Variants in ZFAND3 observed in about 807,000 individuals in gnomAD.
ZFAND3 encodes the protein zinc finger AN1-type containing 3.
ZFAND3 carries 10 observed loss-of-function variants against 29.6 expected under a neutral mutation model. The ratio of observed to expected loss-of-function variants is 0.34; its 90% CI spans 0.21 to 0.57. The LOEUF (loss-of-function observed/expected upper bound fraction) is 0.57, where lower values mean the gene tolerates loss of function less well. Among genes scored for constraint, ZFAND3 ranks in the 20% least tolerant of loss-of-function variants. The pLI is 0.86. For synonymous variants in ZFAND3, 128 were observed against 112.6 expected (o/e 1.14, Z -0.87); for missense variants, 230 against 304.5 (o/e 0.76, Z 1.82).
intron 3 of ZFAND3, among the ~76,000 whole-genome samples, chr6:38,067,493 G>A (rs564115808): frequency 2.6e-5 from 4 of 152,310 alleles, no homozygotes; most frequent in South Asian, 4.1e-4. Context: ...CATGATTTAC[G>A]ATCTAAAGGA....
At chr6:38,124,642 G>A (rs1765598820) in intron 5 of ZFAND3, among the ~76,000 whole-genome samples, 1 of 152,226 alleles carries the variant, frequency 6.6e-6, no homozygotes, top group Non-Finnish European at 1.5e-5. Flanking sequence ...ATGCCCATCT[G>A]GAACTCTAGC....
At chr6:37,949,147 A>G (rs1044718276) in intron 2 of ZFAND3, among the ~76,000 whole-genome samples, 4 of 151,930 alleles carry the variant, frequency 2.6e-5, no homozygotes, top group African/African-American at 4.8e-5. Context: ...CTTTTTAATA[A>G]TGTTCTGACT....
intron 2 of ZFAND3, among the ~76,000 whole-genome samples, chr6:38,042,740 T>G (rs1005800466): frequency 6.6e-6 from 1 of 152,230 alleles, no homozygotes; most frequent in African/African-American, 2.4e-5. Flanking sequence ...GGACTAATAG[T>G]TCACAACTAT....
intron 2 of ZFAND3, among the ~76,000 whole-genome samples, chr6:37,969,200 G>C (rs1762342008): frequency 6.6e-6 from 1 of 152,230 alleles, no homozygotes; most frequent in South Asian, 2.1e-4. Context: ...TGTCGCATAT[G>C]TGGTCCATCA....
chr6:38,020,131 C>T (rs1351490548), intron 2 of ZFAND3, among the ~76,000 whole-genome samples: 1 of 152,208 alleles, frequency 6.6e-6, no homozygotes, highest in South Asian at 2.1e-4. Flanking sequence ...GCTTTGTTAC[C>T]TAACTGCTGT....
At chr6:38,042,343 T>G (rs1763807232) in intron 2 of ZFAND3, among the ~76,000 whole-genome samples, 1 of 146,188 alleles carries the variant, frequency 6.8e-6, no homozygotes, top group South Asian at 2.2e-4. Flanking sequence ...AGATGGAGTT[T>G]CGCTCTTGTC....
At chr6:37,995,730 G>A (rs569518722) in intron 2 of ZFAND3, among the ~76,000 whole-genome samples, 2 of 152,134 alleles carry the variant, frequency 1.3e-5, no homozygotes, top group Non-Finnish European at 1.5e-5. Context: ...GCCCTTTAGT[G>A]AGCAAAACAA....
chr6:37,880,687 AT>A (rs972071476), intron 1 of ZFAND3, among the ~76,000 whole-genome samples: 30 of 150,336 alleles, frequency 2.0e-4, no homozygotes, highest in African/African-American at 5.1e-4. Flanking sequence ...AATGGAAAGT[AT>A]TTTTTTTTTA....
intron 2 of ZFAND3, among the ~76,000 whole-genome samples, chr6:38,027,917 T>C (rs569636242): frequency 1.3e-5 from 2 of 152,234 alleles, no homozygotes; most frequent in Admixed American, 6.5e-5. Context: ...CTTTTGTTTC[T>C]CTGTAATTTG....
chr6:37,900,637 A>G (rs1405095659), intron 1 of ZFAND3, among the ~76,000 whole-genome samples: 1 of 152,200 alleles, frequency 6.6e-6, no homozygotes, highest in South Asian at 2.1e-4. Flanking sequence ...TTGTAGTAAC[A>G]AGGTTATTAA....
chr6:37,828,876 T>C (rs1382225411), intron 1 of ZFAND3, among the ~76,000 whole-genome samples: 4 of 152,110 alleles, frequency 2.6e-5, no homozygotes, highest in African/African-American at 9.7e-5. Flanking sequence ...GGTCTCAATC[T>C]CCTTACCTCG....
chr6:37,962,743 C>T (rs1762219722), intron 2 of ZFAND3, among the ~76,000 whole-genome samples: 1 of 152,210 alleles, frequency 6.6e-6, no homozygotes, highest in South Asian at 2.1e-4. Flanking sequence ...AAAAGCTGGC[C>T]ACCTGAGCCA....
At chr6:38,067,183 C>G (rs1292169337) in intron 3 of ZFAND3, among the ~76,000 whole-genome samples, 2 of 152,184 alleles carry the variant, frequency 1.3e-5, no homozygotes, top group Non-Finnish European at 2.9e-5. Flanking sequence ...CCCTGTGGAA[C>G]CCACTTAGTG....
At chr6:37,996,094 A>G (rs886728483) in intron 2 of ZFAND3, among the ~76,000 whole-genome samples, 1 of 151,578 alleles carries the variant, frequency 6.6e-6, no homozygotes, top group Non-Finnish European at 1.5e-5. Flanking sequence ...ACACCACTGT[A>G]CTCCAGCCTG....
At position 38,153,661 on chromosome 6, in the gene ZFAND3, G is replaced by C; in HGVS notation, c.*1272G>C. ...GATTTCAGCAGCTGCAACTGCGCAC[G>C]CCAGGTGGGGAAGGGTGGGGGTGGG... is the stretch of plus-strand genomic sequence containing the variant. On this transcript the variant is annotated 3_prime_UTR_variant, in exon 6 of 6. Transcript: ENST00000287218. 3.0e-6 allele frequency: 3 copies of C among 985,408 alleles called. No homozygotes were observed. The highest frequency in any genetic ancestry group is 3.6e-6 in the Non-Finnish European group (3 of 829,954). The allele number at this position is 985,408 out of a possible 1,614,324, so 61.0% of individuals were successfully genotyped here. A position where few individuals can be genotyped will look rare whatever the true frequency, so the allele number is the denominator to read the frequency against.
At chr6:37,903,316 T>G (rs1765353023) in intron 1 of ZFAND3, among the ~76,000 whole-genome samples, 1 of 152,194 alleles carries the variant, frequency 6.6e-6, no homozygotes, top group South Asian at 2.1e-4. Flanking sequence ...CTTTGACACG[T>G]GAAATATTCT....
intron 5 of ZFAND3, among the ~76,000 whole-genome samples, chr6:38,125,653 A>G (rs1044947836): frequency 1.3e-5 from 2 of 152,224 alleles, no homozygotes; most frequent in African/African-American, 4.8e-5. Context: ...TGGCAGTAAC[A>G]GCACAATAAT....
intron 1 of ZFAND3, among the ~76,000 whole-genome samples, chr6:37,878,524 C>G (rs763923461): frequency 6.4e-4 from 98 of 152,252 alleles, no homozygotes; most frequent in Non-Finnish European, 9.1e-4. Context: ...CTAGATCCCT[C>G]CCGCTTGGCA....
At chr6:38,112,970 A>C (rs1562004093) in intron 4 of ZFAND3, among the ~76,000 whole-genome samples, 1 of 152,110 alleles carries the variant, frequency 6.6e-6, no homozygotes. Context: ...TTACACATAC[A>C]CAGTCACCTT....
Sources: allele counts gnomAD v4.1 joint callset (sites outside exome capture counted in the v4.1 genomes callset), GRCh38; gene constraint gnomAD v4.1.1; transcripts MANE v1.5; gene names NCBI Gene and HGNC (gene_info 2026-07-23, HGNC 2026-07-21).